COL21A1: variants seen among roughly 807,000 people sequenced by gnomAD.
COL21A1 encodes the protein collagen alpha-1(XXI) chain.
Under a neutral mutation model 137.9 loss-of-function variants are expected in COL21A1, and 149 were observed. That is an observed-to-expected ratio of 1.08 (90% confidence interval 0.95 to 1.24). The LOEUF (loss-of-function observed/expected upper bound fraction) is 1.24, where lower values mean the gene tolerates loss of function less well. COL21A1 is among the 50% of genes most tolerant of loss of function. The pLI is 0.00. For missense variants in COL21A1, 1,167 were observed against 1,158.4 expected (o/e 1.01, Z -0.11); for synonymous variants, 456 against 391.5 (o/e 1.16, Z -1.95).
intron 12 of COL21A1, among the ~76,000 whole-genome samples, chr6:56,134,780 A>C (rs1201088607): frequency 6.6e-6 from 1 of 152,146 alleles, no homozygotes; most frequent in East Asian, 1.9e-4. Flanking sequence ...TCCCTGCACA[A>C]GCTCTTTCTC....
At chr6:56,210,224 C>G (rs1780073805) in intron 1 of COL21A1, among the ~76,000 whole-genome samples, 1 of 151,962 alleles carries the variant, frequency 6.6e-6, no homozygotes, top group Non-Finnish European at 1.5e-5. Context: ...CCTGCACGTT[C>G]TGCACATGTA....
chr6:56,338,201 T>C (rs1486345152), intron 1 of COL21A1, among the ~76,000 whole-genome samples: 1 of 152,030 alleles, frequency 6.6e-6, no homozygotes, highest in East Asian at 1.9e-4. Context: ...CCTGTCCTCA[T>C]GATCTGCCCG....
chr6:56,192,481 C>G (rs1778752050), intron 1 of COL21A1, among the ~76,000 whole-genome samples: 1 of 112,396 alleles, frequency 8.9e-6, no homozygotes, highest in Admixed American at 9.0e-5. Flanking sequence ...AGAACTTAAA[C>G]AAATTTACAA....
chr6:56,222,049 G>T (rs951745498), intron 1 of COL21A1, among the ~76,000 whole-genome samples: 4 of 151,974 alleles, frequency 2.6e-5, no homozygotes, highest in Admixed American at 6.6e-5. Context: ...GAGGCGGATG[G>T]ATTACCTGAG....
intron 28 of COL21A1, 65 bp downstream of exon 28, chr6:56,059,953 T>A (rs2076326835): frequency 8.6e-7 from 1 of 1,162,304 alleles, no homozygotes; most frequent in African/African-American, 1.6e-5. Context: ...TAAATGGATA[T>A]AGGGTATGAA....
intron 19 of COL21A1, 95 bp downstream of exon 19, chr6:56,075,384 C>T: frequency 1.1e-6 from 1 of 876,106 alleles, no homozygotes; most frequent in South Asian, 1.7e-5. Context: ...TTGCTGTATC[C>T]CCTACATTTT....
chr6:56,351,637 C>T (rs1456160033), intron 1 of COL21A1, among the ~76,000 whole-genome samples: 3 of 152,182 alleles, frequency 2.0e-5, no homozygotes, highest in African/African-American at 7.2e-5. Context: ...GCAAAGGCCT[C>T]AAGAACTGAA....
chr6:56,139,382 G>T (rs149224430), intron 12 of COL21A1, among the ~76,000 whole-genome samples: 10 of 152,232 alleles, frequency 6.6e-5, no homozygotes, highest in South Asian at 2.1e-4. Flanking sequence ...ATTAACAAGT[G>T]TGATTTGGGA....
chr6:56,241,120 A>C (rs1239516019), intron 1 of COL21A1, among the ~76,000 whole-genome samples: 1 of 152,160 alleles, frequency 6.6e-6, no homozygotes, highest in African/African-American at 2.4e-5. Context: ...CTGCCCTCCC[A>C]AAAATCATGT....
chr6:56,152,658 G>A (rs933206978), intron 10 of COL21A1, among the ~76,000 whole-genome samples: 2 of 151,962 alleles, frequency 1.3e-5, no homozygotes, highest in African/African-American at 4.8e-5. Flanking sequence ...CACCTCCAGT[G>A]CTTCATGCAT....
intron 1 of COL21A1, among the ~76,000 whole-genome samples, chr6:56,313,845 CTATTATTTGAG>C (rs1764668563): frequency 6.6e-6 from 1 of 152,136 alleles, no homozygotes; most frequent in Admixed American, 6.6e-5. Context: ...GCCTAGTGAC[CTATTATTTGAG>C]TAAGAGAAAG....
At chr6:56,389,804 C>T (rs907655132) in intron 1 of COL21A1, among the ~76,000 whole-genome samples, 3 of 152,154 alleles carry the variant, frequency 2.0e-5, no homozygotes, top group Non-Finnish European at 4.4e-5. Context: ...AAGGAAAAAT[C>T]TTCCAACCTA....
intron 14 of COL21A1, among the ~76,000 whole-genome samples, chr6:56,124,852 A>G (rs189556007): frequency 5.3e-5 from 8 of 151,820 alleles, no homozygotes; most frequent in Admixed American, 1.3e-4. Flanking sequence ...TCACCGTGTT[A>G]GCCAGGATGG....
intron 17 of COL21A1, among the ~76,000 whole-genome samples, chr6:56,084,220 AT>A (rs1768031218): frequency 6.6e-6 from 1 of 151,238 alleles, no homozygotes; most frequent in Non-Finnish European, 1.5e-5. Flanking sequence ...CAGAAAAAAT[AT>A]ATATATATAA....
intron 1 of COL21A1, among the ~76,000 whole-genome samples, chr6:56,220,334 A>C (rs928422405): frequency 6.6e-6 from 1 of 152,138 alleles, no homozygotes; most frequent in Non-Finnish European, 1.5e-5. Context: ...CCAAGCAAAT[A>C]ACTGACACTG....
At chr6:56,249,609 C>A (rs189741644), upstream of COL21A1, among the ~76,000 whole-genome samples, 338 of 152,038 alleles carry the variant, frequency 2.2e-3, 2 homozygotes, top group East Asian at 0.013. Context: ...GTCACACACA[C>A]AAAAAAACAC....
intron 10 of COL21A1, among the ~76,000 whole-genome samples, chr6:56,149,753 C>T (rs3846920): frequency 0.71 from 107,961 of 151,848 alleles, 38,629 homozygotes; most frequent in East Asian, 0.86. Flanking sequence ...CCCCCAAATG[C>T]AAGCAGTTCT....
intron 1 of COL21A1, among the ~76,000 whole-genome samples, chr6:56,188,513 T>C (rs867102789): frequency 4.6e-5 from 7 of 152,122 alleles, no homozygotes; most frequent in Admixed American, 2.6e-4. Flanking sequence ...AAAACTCCCA[T>C]CTCCCTGGAC....
chr6:56,195,936 A>G (rs965626649), intron 1 of COL21A1, among the ~76,000 whole-genome samples: 4 of 152,142 alleles, frequency 2.6e-5, no homozygotes, highest in Non-Finnish European at 5.9e-5. Context: ...AAAAAAAATC[A>G]CAGGCCCTGA....
Sources: gnomAD v4.1 joint callset for allele counts (sites outside exome capture counted in the v4.1 genomes callset) on GRCh38, gnomAD v4.1.1 for gene constraint, MANE v1.5 for transcripts, NCBI Gene and HGNC (gene_info 2026-07-23, HGNC 2026-07-21) for gene names.